CXCL13: variants seen among roughly 807,000 people sequenced by gnomAD.
CXCL13 encodes the protein C-X-C motif chemokine 13.
A neutral mutation model predicts 12.2 loss-of-function variants in CXCL13; 7 were observed. The observed-to-expected ratio is 0.57, with a 90% confidence interval of 0.33 to 1.07. The LOEUF (loss-of-function observed/expected upper bound fraction) is 1.07, where lower values mean the gene tolerates loss of function less well. Among genes scored for constraint, CXCL13 ranks in the 50% least tolerant of loss-of-function variants. The probability of loss-of-function intolerance (pLI) is 0.04; values close to 1 mark genes in which losing one functional copy is unlikely to be tolerated. For synonymous variants in CXCL13, 47 were observed against 42.4 expected (o/e 1.11, Z -0.42); for missense variants, 113 against 127.4 (o/e 0.89, Z 0.55).
chr4:77,529,118 G>T (rs1388378168), intron 1 of CXCL13, among the ~76,000 whole-genome samples: 1 of 152,144 alleles, frequency 6.6e-6, no homozygotes, highest in African/African-American at 2.4e-5. Context: ...TGAGGGCTCT[G>T]TTCTATTCCA....
At chr4:77,557,610 AT>A (rs1281101258) in intron 1 of CXCL13, among the ~76,000 whole-genome samples, 1 of 152,164 alleles carries the variant, frequency 6.6e-6, no homozygotes, top group African/African-American at 2.4e-5. Context: ...CATTAAGATA[AT>A]TGCCATTACC....
At chr4:77,561,698 T>G (rs1725816675) in intron 1 of CXCL13, among the ~76,000 whole-genome samples, 1 of 152,218 alleles carries the variant, frequency 6.6e-6, no homozygotes, top group South Asian at 2.1e-4. Context: ...TTGCCTCCCC[T>G]GCAGCAGTGA....
At chr4:77,557,381 C>T (rs1226711928) in intron 1 of CXCL13, among the ~76,000 whole-genome samples, 1 of 152,168 alleles carries the variant, frequency 6.6e-6, no homozygotes, top group Non-Finnish European at 1.5e-5. Flanking sequence ...GCCTTTTCAT[C>T]CATCTTTGGC....
intron 1 of CXCL13, among the ~76,000 whole-genome samples, chr4:77,583,061 C>T (rs1726376534): frequency 6.6e-6 from 1 of 152,172 alleles, no homozygotes; most frequent in Non-Finnish European, 1.5e-5. Flanking sequence ...GAAATGCTTC[C>T]TTCTAGACAA....
At chr4:77,567,512 T>C (rs1725967864) in intron 1 of CXCL13, among the ~76,000 whole-genome samples, 1 of 152,216 alleles carries the variant, frequency 6.6e-6, no homozygotes, top group Non-Finnish European at 1.5e-5. Flanking sequence ...CGTGAGGAAC[T>C]CTGTTAACAA....
At chr4:77,608,471 A>C (rs1727059195) in intron 2 of CXCL13, among the ~76,000 whole-genome samples, 2 of 151,804 alleles carry the variant, frequency 1.3e-5, no homozygotes. Flanking sequence ...AAGAAAGTGC[A>C]TTAGCCAGGA....
At chr4:77,604,764 G>T (rs553958485), upstream of CXCL13, among the ~76,000 whole-genome samples, 2 of 152,242 alleles carry the variant, frequency 1.3e-5, no homozygotes, top group African/African-American at 4.8e-5. Context: ...CACCTGGGAT[G>T]CTAAACATCC....
chr4:77,560,881 T>A (rs745440792), intron 1 of CXCL13, among the ~76,000 whole-genome samples: 3 of 152,236 alleles, frequency 2.0e-5, no homozygotes, highest in Non-Finnish European at 4.4e-5. Flanking sequence ...AATAATGATA[T>A]AATTTTTATA....
chr4:77,605,805 TGG>T, upstream of CXCL13: 1 of 1,087,756 alleles, frequency 9.2e-7, no homozygotes, highest in Non-Finnish European at 1.4e-6. Context: ...TAGGAGTCTC[TGG>T]TACTGCAAAC....
At chr4:77,533,645 C>G (rs576817552) in intron 1 of CXCL13, among the ~76,000 whole-genome samples, 1 of 152,174 alleles carries the variant, frequency 6.6e-6, no homozygotes, top group Non-Finnish European at 1.5e-5. Context: ...GAGTCTATAG[C>G]GGTAGGCAGG....
chr4:77,598,150 G>C (rs1341237276), intron 1 of CXCL13, among the ~76,000 whole-genome samples: 2 of 152,224 alleles, frequency 1.3e-5, no homozygotes, highest in East Asian at 3.9e-4. Flanking sequence ...TGCCTCCAAA[G>C]GACTGGCATG....
At chr4:77,524,529 G>A (rs562488361) in intron 1 of CXCL13, among the ~76,000 whole-genome samples, 1 of 151,026 alleles carries the variant, frequency 6.6e-6, no homozygotes, top group South Asian at 2.1e-4. Context: ...GCCAAGCCAG[G>A]CATGGGAGAG....
intron 1 of CXCL13, among the ~76,000 whole-genome samples, chr4:77,558,972 C>T (rs868276159): frequency 3.3e-5 from 5 of 152,180 alleles, no homozygotes; most frequent in African/African-American, 1.2e-4. Context: ...TTGGTGAAGC[C>T]ACCCGATTCT....
At chr4:77,557,852 T>C (rs1356164267) in intron 1 of CXCL13, among the ~76,000 whole-genome samples, 1 of 152,246 alleles carries the variant, frequency 6.6e-6, no homozygotes, top group Non-Finnish European at 1.5e-5. Flanking sequence ...TTACACAGCA[T>C]ACTCACCCTG....
intron 1 of CXCL13, among the ~76,000 whole-genome samples, chr4:77,518,146 G>T (rs1156787527): frequency 3.3e-5 from 5 of 152,202 alleles, no homozygotes; most frequent in Non-Finnish European, 7.3e-5. Flanking sequence ...GGCTTGTAGA[G>T]TTTCTGCTGA....
intron 1 of CXCL13, among the ~76,000 whole-genome samples, chr4:77,559,499 T>A (rs1725748766): frequency 6.6e-6 from 1 of 152,114 alleles, no homozygotes; most frequent in South Asian, 2.1e-4. Context: ...GCTGGGGCAA[T>A]AGCTTCTTCA....
At chr4:77,576,888 G>A (rs1726210346) in intron 1 of CXCL13, among the ~76,000 whole-genome samples, 1 of 152,172 alleles carries the variant, frequency 6.6e-6, no homozygotes, top group Admixed American at 6.5e-5. Flanking sequence ...GAGGACTGGA[G>A]AGAGAGAAAT....
intron 1 of CXCL13, among the ~76,000 whole-genome samples, chr4:77,569,096 AGGTACT>A (rs1218669317): frequency 2.6e-5 from 4 of 152,218 alleles, no homozygotes; most frequent in Admixed American, 2.6e-4. Flanking sequence ...AAGTTTAGCT[AGGTACT>A]GAAGGAACAT....
Position 77,538,657 on chromosome 4 carries a change from T to A in CXCL13, c.-43+26869T>A, listed in dbSNP as rs190788387. Among the ~76,000 whole-genome samples the A allele has an allele frequency of 1.1e-3, 164 of 152,278 alleles. 1 individual carries two copies. Among genetic ancestry groups the A allele is most frequent in the African/African-American group, 3.8e-3 (159 of 41,558 alleles). On this transcript the variant is annotated intron_variant, in intron 1 of 4. Transcript: ENST00000286758. ...AGCCCACTAGAGATGGTAGACCCAC[T>A]GGTAGAAATGGCTACCTGGATACCC...
Sources: allele counts gnomAD v4.1 joint callset (sites outside exome capture counted in the v4.1 genomes callset), GRCh38; gene constraint gnomAD v4.1.1; transcripts MANE v1.5; gene names NCBI Gene and HGNC (gene_info 2026-07-23, HGNC 2026-07-21).